The following RTKN2 variants were observed in gnomAD, a reference collection of about 807,000 sequenced individuals.
RTKN2 encodes the protein rhotekin-2.
RTKN2 carries 69 observed loss-of-function variants against 71.5 expected under a neutral mutation model. The observed-to-expected ratio is 0.96, with a 90% CI of 0.79 to 1.18. The LOEUF (loss-of-function observed/expected upper bound fraction) is 1.18. Among genes scored for constraint, RTKN2 ranks in the 50% most tolerant of loss-of-function variants. The probability of loss-of-function intolerance (pLI) is 0.00; values close to 1 mark genes in which losing one functional copy is unlikely to be tolerated. For missense variants in RTKN2, 724 were observed against 719.7 expected (o/e 1.01, Z -0.07); for synonymous variants, 236 against 236.5 (o/e 1.00, Z 0.02).
chr10:62,247,534 T>C (rs1332210043), intron 2 of RTKN2, among the ~76,000 whole-genome samples: 1 of 151,976 alleles, frequency 6.6e-6, no homozygotes, highest in African/African-American at 2.4e-5. Context: ...AACATACAAA[T>C]ACTCATTGTT....
intron 3 of RTKN2, among the ~76,000 whole-genome samples, chr10:62,241,769 G>C (rs796497086): frequency 2.0e-5 from 3 of 152,202 alleles, no homozygotes; most frequent in African/African-American, 7.2e-5. Flanking sequence ...CACAATCTCA[G>C]CTCACTGCAA....
chr10:62,186,435 A>T (rs1032457520), intron 8 of RTKN2, among the ~76,000 whole-genome samples: 1 of 152,188 alleles, frequency 6.6e-6, no homozygotes, highest in African/African-American at 2.4e-5. Flanking sequence ...AGACTTTTCA[A>T]CCACGGAGGA....
At chr10:62,257,820 C>T (rs1415559743) in intron 2 of RTKN2, among the ~76,000 whole-genome samples, 4 of 152,138 alleles carry the variant, frequency 2.6e-5, no homozygotes, top group African/African-American at 9.7e-5. Context: ...TAACAGACTG[C>T]TATAACCAAG....
downstream of RTKN2, among the ~76,000 whole-genome samples, chr10:62,189,850 AC>A (rs1263023149): frequency 1.6e-5 from 2 of 127,868 alleles, no homozygotes; most frequent in African/African-American, 3.5e-5. Flanking sequence ...AAATTCACCC[AC>A]CTTTTTTTTT....
intron 7 of RTKN2, 32 bp from the exon 8 acceptor site, chr10:62,218,333 AGTTAT>A: frequency 2.2e-6 from 3 of 1,344,694 alleles, no homozygotes; most frequent in Non-Finnish European, 3.1e-6. Flanking sequence ...AAAAAAATCA[AGTTAT>A]AAATATAAGT....
In RTKN2 at chr10:62,222,883, C is replaced by A. The variant is rs192229652; in HGVS notation, c.781+355G>T. Among the ~76,000 whole-genome samples, 9 of 152,320 alleles carry A rather than the reference C, an allele frequency of 5.9e-5. No individual in the cohort carries two copies. The East Asian group carries it at 1.7e-3, about 29-fold the overall frequency. ...ATAATTTAACCCTTTCTCTTTCTTACATTCTCTGCTTCCTACTAACAGAAA... is the reference window on the plus strand; with the variant it reads ...ATAATTTAACCCTTTCTCTTTCTTAAATTCTCTGCTTCCTACTAACAGAAA... On this transcript the variant is annotated intron_variant, in intron 7 of 11. Coordinates refer to ENST00000373789, the MANE Select transcript of RTKN2 (RefSeq NM_145307.4).
intron 5 of RTKN2, among the ~76,000 whole-genome samples, chr10:62,237,032 A>G (rs577022711): frequency 6.6e-6 from 1 of 152,078 alleles, no homozygotes; most frequent in East Asian, 1.9e-4. Context: ...TGTAGGATGA[A>G]TAAGTTTAGA....
intron 2 of RTKN2, among the ~76,000 whole-genome samples, chr10:62,261,062 CTA>C (rs1842763723): frequency 6.6e-6 from 1 of 152,190 alleles, no homozygotes; most frequent in Non-Finnish European, 1.5e-5. Flanking sequence ...CATATTTATT[CTA>C]TGACTTTGCA....
rs900534988 is a variant in RTKN2, at chr10:62,268,737, G to A, written c.-127C>T. ...ACCAAGTCCCAGTCGCAGGGGCCGG[G>A]GGCGCAGGAGGAGCCGGGCCGAAGC... On this transcript the variant is annotated 5_prime_UTR_variant, in exon 1 of 12. Transcript: ENST00000373789. The A allele has an allele frequency of 2.1e-6, 2 of 968,056 alleles. No individual in the cohort carries two copies. Among genetic ancestry groups the A allele is most frequent in the African/African-American group, 3.4e-5 (2 of 58,756 alleles). 60.0% of individuals were successfully genotyped at this position (968,056 alleles called of 1,614,324 possible). A position where few individuals can be genotyped will look rare whatever the true frequency, so the allele number is the denominator to read the frequency against.
intron 2 of RTKN2, among the ~76,000 whole-genome samples, chr10:62,252,890 C>T (rs1842608280): frequency 6.6e-6 from 1 of 151,918 alleles, no homozygotes; most frequent in Non-Finnish European, 1.5e-5. Flanking sequence ...ATTATAGTAA[C>T]TACTATGACT....
At chr10:62,263,333 G>A (rs1564532967) in intron 1 of RTKN2, among the ~76,000 whole-genome samples, 1 of 152,162 alleles carries the variant, frequency 6.6e-6, no homozygotes. Flanking sequence ...AAGGATTGAT[G>A]GCAACAATCA....
At chr10:62,250,722 T>G (rs868009265) in intron 2 of RTKN2, among the ~76,000 whole-genome samples, 9 of 152,172 alleles carry the variant, frequency 5.9e-5, no homozygotes, top group Admixed American at 1.3e-4. Context: ...CTCCGCCTCC[T>G]GGGTTGAAGC....
intron 7 of RTKN2, 30 bp from the exon 8 acceptor site, chr10:62,218,331 C>G (rs766144614): frequency 7.5e-7 from 1 of 1,336,012 alleles, no homozygotes; most frequent in Admixed American, 1.9e-5. Flanking sequence ...AAAAAAAAAT[C>G]AAGTTATAAA....
intron 9 of RTKN2, among the ~76,000 whole-genome samples, chr10:62,212,911 C>A (rs762562564): frequency 1.3e-5 from 2 of 151,982 alleles, no homozygotes; most frequent in Non-Finnish European, 2.9e-5. Context: ...CATCTGCTAC[C>A]CCTGGAGGGA....
intron 9 of RTKN2, 49 bp downstream of exon 9, chr10:62,217,069 C>A: frequency 1.4e-6 from 2 of 1,431,402 alleles, no homozygotes; most frequent in South Asian, 1.6e-5. Context: ...CAGACAAAAA[C>A]AAACTTCCTA....
In RTKN2 at chr10:62,217,037, G is replaced by A. The variant is rs539408362; in HGVS notation, c.1020+81C>T. On this transcript the variant is annotated intron_variant, in intron 9 of 11. Transcript: ENST00000373789. ...ACCAGTACTTCTCTTTTATTTATAA[G>A]ACAACAACAATGTAAACTGCACAGA... 1.3e-3 allele frequency: 1,310 copies of A among 1,014,928 alleles called. 7 individuals are homozygous for A. Among genetic ancestry groups the A allele is most frequent in the African/African-American group, 0.013 (765 of 60,222 alleles). The allele number at this position is 1,014,928 out of a possible 1,614,324, so 62.9% of individuals were successfully genotyped here.
chr10:62,196,917 T>C lies in RTKN2; in HGVS notation c.*991A>G, dbSNP rs1416727738. 3 of 983,724 alleles carry C rather than the reference T, an allele frequency of 3.0e-6. No individual in the cohort carries two copies. The highest frequency in any genetic ancestry group is 3.5e-5 in the African/African-American group (2 of 57,170). The allele number at this position is 983,724 out of a possible 1,614,324, so 60.9% of individuals were successfully genotyped here. A position where few individuals can be genotyped will look rare whatever the true frequency, so the allele number is the denominator to read the frequency against. On this transcript the variant is annotated 3_prime_UTR_variant, in exon 12 of 12. Coordinates refer to ENST00000373789, the MANE Select transcript of RTKN2 (RefSeq NM_145307.4). ...ATTAGTTGCTATGGAAATTACCTCC[T>C]ATGGAAATGATTCCAATGTCACTGT...
chr10:62,212,568 T>C (rs917644123), intron 9 of RTKN2, among the ~76,000 whole-genome samples: 1 of 151,482 alleles, frequency 6.6e-6, no homozygotes, highest in African/African-American at 2.4e-5. Context: ...CCAGGTGTGG[T>C]GGCACGTACC....
intron 9 of RTKN2, among the ~76,000 whole-genome samples, chr10:62,207,445 T>A (rs1437479790): frequency 6.6e-6 from 1 of 152,088 alleles, no homozygotes; most frequent in African/African-American, 2.4e-5. Flanking sequence ...AAAATGCGTG[T>A]TGAAGAAAAA....
Sources: allele counts gnomAD v4.1 joint callset (sites outside exome capture counted in the v4.1 genomes callset), GRCh38; gene constraint gnomAD v4.1.1; transcripts MANE v1.5; gene names NCBI Gene and HGNC (gene_info 2026-07-23, HGNC 2026-07-21).